Variants in KIF20B observed in about 807,000 individuals in gnomAD.
KIF20B encodes the protein kinesin family member 20B, also known as kinesin-like protein KIF20B.
Under a neutral mutation model 232.5 loss-of-function variants are expected in KIF20B, and 188 were observed. The ratio of observed to expected loss-of-function variants is 0.81; its 90% CI spans 0.72 to 0.91. KIF20B has a LOEUF of 0.91. KIF20B is among the 40% of genes least tolerant of loss of function. KIF20B has a pLI of 0.00. For missense variants in KIF20B, 2,154 were observed against 2,055.9 expected, an observed-to-expected ratio of 1.05 and a Z score of -0.92; for synonymous variants, 712 against 683.0, an observed-to-expected ratio of 1.04 and a Z score of -0.66.
At chr10:89,714,110 TGATGTATC>T in intron 7 of KIF20B, 27 bp downstream of exon 7, 2 of 1,301,390 alleles carry the variant, frequency 1.5e-6, no homozygotes, top group Non-Finnish European at 2.1e-6. Flanking sequence ...CACTTATCTT[TGATGTATC>T]GATTATATGA....
At chr10:89,755,443 T>TC (rs1249369607) in intron 26 of KIF20B, among the ~76,000 whole-genome samples, 1 of 85,050 alleles carries the variant, frequency 1.2e-5, no homozygotes, top group Admixed American at 1.8e-4. Context: ...TTTCCTTCCC[T>TC]CCCCCCTTTC....
chr10:89,722,054 G>A (rs1170916501), intron 13 of KIF20B, among the ~76,000 whole-genome samples: 1 of 152,044 alleles, frequency 6.6e-6, no homozygotes. Context: ...TGGGACCACA[G>A]ATGCATGCCA....
intron 2 of KIF20B, 134 bp from the exon 3 acceptor site, chr10:89,709,033 A>T: frequency 1.5e-6 from 1 of 659,444 alleles, no homozygotes; most frequent in Non-Finnish European, 2.7e-6. Context: ...CATTATTAAA[A>T]GCAGGATAGT....
Position 89,737,819 on chromosome 10 carries a change from G to C in KIF20B, c.2978G>C (p.Arg993Pro), listed in dbSNP as rs771883789. 6 of 1,613,268 alleles carry C rather than the reference G, an allele frequency of 3.7e-6. No homozygotes were observed. The change falls in exon 20 of 33, where the codon CGT becomes CCT. Residue 993 changes from arginine to proline, a missense_variant. Coordinates refer to ENST00000371728, the MANE Select transcript of KIF20B (RefSeq NM_001284259.2). ...ATGCACACGAAAATAGACGAACTAC[G>C]TACTCTTGATTCAGTTTCTCAGATT... ...KLMHTKIDEL[R>P]TLDSVSQISN...
At chr10:89,722,032 C>T (rs1299639000) in intron 13 of KIF20B, among the ~76,000 whole-genome samples, 2 of 152,080 alleles carry the variant, frequency 1.3e-5, no homozygotes, top group East Asian at 3.9e-4. Context: ...TTGCCTCAGT[C>T]TCCTGAGTAG....
rs1255185936 is a variant in KIF20B, at chr10:89,711,113, A to G, written c.643A>G (p.Ser215Gly). 26 of 1,561,684 alleles carry G rather than the reference A, an allele frequency of 1.7e-5. No homozygotes were observed. Among genetic ancestry groups the G allele is most frequent in the Non-Finnish European group, 2.3e-5 (26 of 1,152,798 alleles). ...AGAACAAGAGAAAGAAGAAATTGCT[A>G]GCAAAAGTGCATTGCTTCGGCAAAT... ...SSEQEKEEIA[S>G]KSALLRQIKE... Residue 215 changes from serine to glycine, a missense_variant, in exon 6 of 33, where the codon AGC becomes GGC. Coordinates refer to ENST00000371728, the MANE Select transcript of KIF20B (RefSeq NM_001284259.2).
intron 28 of KIF20B, among the ~76,000 whole-genome samples, chr10:89,761,821 T>C (rs191278496): frequency 1.3e-5 from 2 of 152,344 alleles, no homozygotes; most frequent in South Asian, 4.1e-4. Flanking sequence ...CATTTCTTTC[T>C]CCATAAATTT....
chr10:89,749,290 G>A (rs1011581650), intron 23 of KIF20B, among the ~76,000 whole-genome samples: 3 of 152,074 alleles, frequency 2.0e-5, no homozygotes, highest in Admixed American at 6.5e-5. Flanking sequence ...AACTCTTAAG[G>A]CTTTCCCTGC....
intron 13 of KIF20B, among the ~76,000 whole-genome samples, chr10:89,722,783 A>G (rs147339607): frequency 1.6e-4 from 24 of 152,160 alleles, no homozygotes; most frequent in Admixed American, 7.2e-4. Context: ...GTAGTTTAAA[A>G]TTATTAAAAT....
chr10:89,727,965 G>A, intron 17 of KIF20B, 69 bp downstream of exon 17: 1 of 1,337,232 alleles, frequency 7.5e-7, no homozygotes, highest in Non-Finnish European at 1.0e-6. Context: ...ATGATGACTA[G>A]ATTTGTTTAT....
intron 28 of KIF20B, among the ~76,000 whole-genome samples, chr10:89,762,373 A>AG (rs1380219016): frequency 2.0e-5 from 3 of 152,186 alleles, no homozygotes; most frequent in Non-Finnish European, 4.4e-5. Flanking sequence ...GGTAGAGTCC[A>AG]GGAGTCTTTT....
chr10:89,756,585 A>G (rs1842123092), intron 26 of KIF20B, among the ~76,000 whole-genome samples: 1 of 152,212 alleles, frequency 6.6e-6, no homozygotes, highest in African/African-American at 2.4e-5. Context: ...AGGAAATAGA[A>G]CATAGTTCAG....
intron 31 of KIF20B, among the ~76,000 whole-genome samples, chr10:89,772,179 T>C (rs368528222): frequency 5.9e-5 from 9 of 152,208 alleles, no homozygotes; most frequent in African/African-American, 2.2e-4. Context: ...AAAATTCCTA[T>C]TCTACTTCCC....
At chr10:89,735,369 G>A (rs7897938) in intron 19 of KIF20B, among the ~76,000 whole-genome samples, 4,143 of 152,058 alleles carry the variant, frequency 0.027, 195 homozygotes, top group African/African-American at 0.094. Flanking sequence ...GATATAGGGA[G>A]TCTGCCATCA....
In KIF20B at chr10:89,719,515, A is replaced by G. The variant is rs150845034; in HGVS notation, c.1531A>G (p.Lys511Glu). The G allele has an allele frequency of 8.5e-5, 137 of 1,610,586 alleles. No homozygotes were observed. Among genetic ancestry groups the G allele is most frequent in the Non-Finnish European group, 1.0e-4 (118 of 1,177,230 alleles). ...ATCACTAGACAGTAATTCAAACAGTAAAATATTAAATGTAAAAAGAGCCAC... is the reference window on the plus strand; with the variant it reads ...ATCACTAGACAGTAATTCAAACAGTGAAATATTAAATGTAAAAAGAGCCAC... The part of the protein sequence containing the change: ...DVSLDSNSNS[K>E]ILNVKRATIS... Residue 511 changes from lysine to glutamate, a missense_variant, in exon 13 of 33, where the codon AAA becomes GAA. By Grantham distance (56) the Lys-to-Glu change is moderately conservative (BLOSUM62 1). Coordinates refer to ENST00000371728, the MANE Select transcript of KIF20B (RefSeq NM_001284259.2).
chr10:89,758,824 T>C lies in KIF20B; in HGVS notation c.4622T>C (p.Val1541Ala). ...CTAAAAGCACTGATATCCAGTAATG[T>C]ACAGAAAGATAATGAAATTGAACAA... ...IQLKALISSN[V>A]QKDNEIEQLK... The change falls in exon 27 of 33, where the codon GTA becomes GCA. Residue 1541 changes from valine (V) to alanine (A), a missense_variant. Coordinates refer to ENST00000371728, the MANE Select transcript of KIF20B (RefSeq NM_001284259.2). 2 of 1,601,012 alleles carry C rather than the reference T, an allele frequency of 1.2e-6. No homozygotes were observed. The highest frequency in any genetic ancestry group is 2.3e-5 in the East Asian group (1 of 44,214).
chr10:89,768,004 C>CT (rs2133177229), intron 29 of KIF20B, among the ~76,000 whole-genome samples: 1 of 152,090 alleles, frequency 6.6e-6, no homozygotes, highest in South Asian at 2.1e-4. Context: ...ACATTGTGGG[C>CT]TGTATACCTC....
chr10:89,747,162 A>G lies in KIF20B; in HGVS notation c.4096+1203A>G, dbSNP rs558717179. Among the ~76,000 whole-genome samples the G allele has an allele frequency of 6.6e-5, 10 of 152,372 alleles. No homozygotes were observed. The East Asian group carries it at 1.7e-3, about 26-fold the overall frequency. ...GCTCATCATCACTGGCCATCAGAGA[A>G]ATGCAAAGCAAAACCACAATGAGAT... On this transcript the variant is annotated intron_variant, in intron 23 of 32. Coordinates refer to ENST00000371728, the MANE Select transcript of KIF20B (RefSeq NM_001284259.2).
Position 89,772,793 on chromosome 10 carries a change from A to G in KIF20B, c.5347A>G (p.Ser1783Gly). The G allele has an allele frequency of 1.2e-6, 2 of 1,610,840 alleles. No homozygotes were observed. Among genetic ancestry groups the G allele is most frequent in the Non-Finnish European group, 1.7e-6 (2 of 1,178,112 alleles). ...PKRAKRKLYT[S>G]EISSPIDISG... ...ACGAGCCAAACGGAAATTATACACA[A>G]GTGAAATTTCATCTCCTATTGATAT... Residue 1783 changes from serine to glycine, a missense_variant, in exon 32 of 33, where the codon AGT becomes GGT. Ser to Gly is a moderately conservative substitution (Grantham distance 56). Coordinates refer to ENST00000371728, the MANE Select transcript of KIF20B (RefSeq NM_001284259.2).
Sources: allele counts gnomAD v4.1 joint callset (sites outside exome capture counted in the v4.1 genomes callset), GRCh38; gene constraint gnomAD v4.1.1; transcripts MANE v1.5; gene names NCBI Gene and HGNC (gene_info 2026-07-23, HGNC 2026-07-21).